NUP188: variants seen among roughly 807,000 people sequenced by gnomAD.
NUP188 encodes the protein nucleoporin NUP188.
A neutral mutation model predicts 223.0 loss-of-function variants in NUP188; 97 were observed. The ratio of observed to expected loss-of-function variants is 0.43; its 90% confidence interval spans 0.37 to 0.51. The LOEUF (loss-of-function observed/expected upper bound fraction) is 0.51, where lower values mean the gene tolerates loss of function less well. NUP188 is among the 20% of genes least tolerant of loss of function. The pLI, the probability that NUP188 is intolerant of heterozygous loss-of-function variation, is 0.00. For missense variants in NUP188, 1,947 were observed against 2,175.6 expected (o/e 0.89, Z 2.09); for synonymous variants, 869 against 828.0 (o/e 1.05, Z -0.85).
At chr9:128,952,398 CAAAAA>C (rs939252129) in intron 2 of NUP188, among the ~76,000 whole-genome samples, 3 of 60,648 alleles carry the variant, frequency 4.9e-5, no homozygotes, top group Admixed American at 3.9e-4. Context: ...GACTCCGTCT[CAAAAA>C]AAAAAAAAAA....
rs770875407 is a variant in NUP188, at chr9:128,993,686, C to T, written c.3009C>T (p.Leu1003=). The T allele has an allele frequency of 6.2e-7, 1 of 1,614,094 alleles. No homozygotes were observed. Among genetic ancestry groups the T allele is most frequent in the South Asian group, 1.1e-5 (1 of 91,078 alleles). ...QDRRDSAMLV[L]RTKPKFWENL... is the part of the protein sequence containing the mutation. ...GGAGGGACAGTGCCATGCTGGTCCT[C>T]CGAACCAAGTAAGTCTGCCTCTGGG... is the stretch of plus-strand genomic sequence containing the variant. Residue 1003 remains leucine, a synonymous_variant, in exon 27 of 44, where the codon CTC becomes CTT. Coordinates refer to ENST00000372577, the MANE Select transcript of NUP188 (RefSeq NM_015354.3).
At chr9:128,962,690 C>T (rs1841972758) in intron 8 of NUP188, among the ~76,000 whole-genome samples, 1 of 152,014 alleles carries the variant, frequency 6.6e-6, no homozygotes, top group South Asian at 2.1e-4. Flanking sequence ...ATAAGAATAG[C>T]CGGCTGGGCT....
rs544194639 is a variant in NUP188 at position 128,964,828 on chromosome 9, T to C, written c.586-3678T>C. Among the ~76,000 whole-genome samples the C allele has an allele frequency of 1.4e-4, 21 of 151,388 alleles. No homozygotes were observed. In the East Asian group the frequency reaches 1.8e-3, roughly 13 times the overall value. Reference sequence around the variant, plus strand: ...TCAAGGGATTCTGCTGCCTCCAGCCTCCCGAGTAGCTGGGATTACAGGCAT... The same window carrying C: ...TCAAGGGATTCTGCTGCCTCCAGCCCCCCGAGTAGCTGGGATTACAGGCAT... On this transcript the variant is annotated intron_variant, in intron 8 of 43. Coordinates refer to ENST00000372577, the MANE Select transcript of NUP188 (RefSeq NM_015354.3).
chr9:128,951,443 C>A (rs535504552), intron 2 of NUP188, among the ~76,000 whole-genome samples: 4 of 151,666 alleles, frequency 2.6e-5, no homozygotes, highest in African/African-American at 9.7e-5. Context: ...TGCATCACTG[C>A]ACTCCAGCCT....
chr9:128,979,927 C>T (rs997462906), intron 13 of NUP188, among the ~76,000 whole-genome samples: 5 of 152,250 alleles, frequency 3.3e-5, no homozygotes, highest in African/African-American at 7.2e-5. Context: ...CCACTGAGCC[C>T]GGCCTTCCAA....
chr9:128,979,189 A>G, intron 12 of NUP188, 73 bp from the exon 13 acceptor site: 1 of 1,141,734 alleles, frequency 8.8e-7, no homozygotes, highest in Non-Finnish European at 1.3e-6. Context: ...TTTTATTTCA[A>G]CAGAATACAA....
In NUP188 at chr9:128,993,566, G is replaced by A; in HGVS notation, c.2889G>A (p.Leu963=). ...LGMWSCLHAV[L]ELIDSQQQDR... is the part of the protein sequence containing the mutation. ...TGTGGAGCTGTCTCCATGCAGTGCT[G>A]GAGCTGATTGATTCCCAACAGCAAG... Residue 963 remains leucine, a synonymous_variant, in exon 27 of 44, where the codon CTG becomes CTA. Transcript: ENST00000372577. 2 of 1,614,188 alleles carry A rather than the reference G, an allele frequency of 1.2e-6. No homozygotes were observed. The highest frequency in any genetic ancestry group is 1.7e-5 in the Admixed American group (1 of 60,018).
Position 129,000,532 on chromosome 9 carries a change from A to G in NUP188, c.3843+727A>G, listed in dbSNP as rs868272971. 7.0e-4 allele frequency among the ~76,000 whole-genome samples: 105 copies of G among 151,034 alleles called. No homozygotes were observed. In the Middle Eastern group the frequency reaches 0.017, roughly 25 times the overall value. The stretch of plus-strand genomic sequence containing the variant: ...ACGGGGTTTCACTGTGTTAGCCAGG[A>G]TGGCCTCGATCTCCTGACCTCGTAA... On this transcript the variant is annotated intron_variant, in intron 34 of 43. Coordinates refer to ENST00000372577, the MANE Select transcript of NUP188 (RefSeq NM_015354.3).
chr9:128,979,196 A>T (rs1049592701), intron 12 of NUP188, 66 bp from the exon 13 acceptor site: 8 of 1,186,502 alleles, frequency 6.7e-6, no homozygotes, highest in Non-Finnish European at 9.9e-6. Context: ...TCAACAGAAT[A>T]CAATAATAAA....
chr9:128,953,638 T>C (rs986229846), intron 3 of NUP188, among the ~76,000 whole-genome samples: 1 of 152,194 alleles, frequency 6.6e-6, no homozygotes, highest in African/African-American at 2.4e-5. Flanking sequence ...TGCAAATACT[T>C]GACTATGTAT....
In NUP188 at chr9:129,003,377, G is replaced by T; in HGVS notation, c.4357G>T (p.Val1453Leu). Residue 1453 changes from valine (V) to leucine (L), a missense_variant, in exon 38 of 44, where the codon GTG becomes TTG. By Grantham distance (32) the Val-to-Leu change is conservative. This residue lies in a region of NUP188 where 905 missense variants were observed against 990.6 expected (regional missense o/e 0.91). Coordinates refer to ENST00000372577, the MANE Select transcript of NUP188 (RefSeq NM_015354.3). ...CTGCCTGGAGGAGGCGGACCACACCGTGGGTTTTATTCTGCAGCTCTCTAA... is the reference window on the plus strand; with the variant it reads ...CTGCCTGGAGGAGGCGGACCACACCTTGGGTTTTATTCTGCAGCTCTCTAA... ...LACLEEADHT[V>L]GFILQLSNFM... The T allele has an allele frequency of 6.2e-7, 1 of 1,613,470 alleles. No homozygotes were observed. Among genetic ancestry groups the T allele is most frequent in the Non-Finnish European group, 8.5e-7 (1 of 1,179,970 alleles).
intron 22 of NUP188, 110 bp from the exon 23 acceptor site, chr9:128,987,479 T>A: frequency 1.0e-6 from 1 of 1,002,898 alleles, no homozygotes; most frequent in Non-Finnish European, 1.4e-6. Flanking sequence ...AGAGCTGGTC[T>A]CCAGTGTCCA....
chr9:128,964,269 T>C, intron 8 of NUP188: 1 of 390,098 alleles, frequency 2.6e-6, no homozygotes. Context: ...GTCAGAGTTC[T>C]TTATATACAG....
At chr9:128,950,424 T>A (rs539939848) in intron 2 of NUP188, among the ~76,000 whole-genome samples, 9 of 152,324 alleles carry the variant, frequency 5.9e-5, no homozygotes, top group African/African-American at 2.2e-4. Context: ...TTTCACCATG[T>A]TGGCCAGGCT....
chr9:128,959,937 A>G (rs1426306585), intron 8 of NUP188, among the ~76,000 whole-genome samples: 4 of 152,038 alleles, frequency 2.6e-5, no homozygotes, highest in Non-Finnish European at 4.4e-5. Context: ...CTTTTTTTCA[A>G]TCCCATTAGT....
intron 3 of NUP188, among the ~76,000 whole-genome samples, chr9:128,955,613 C>T (rs1326837043): frequency 1.3e-5 from 2 of 152,036 alleles, no homozygotes; most frequent in Admixed American, 6.6e-5. Context: ...GTCCTTTGGG[C>T]GTGTCCTTCC....
chr9:128,992,614 T>G (rs1842452125), intron 25 of NUP188, among the ~76,000 whole-genome samples: 1 of 152,218 alleles, frequency 6.6e-6, no homozygotes, highest in Non-Finnish European at 1.5e-5. Context: ...TTTTTCCTTT[T>G]TTTAATTTGG....
chr9:128,970,864 G>A lies in NUP188; in HGVS notation c.1019G>A (p.Ser340Asn), dbSNP rs376452007. ...RHTLNPEETS[S>N]VVRKIGGTAI... The stretch of plus-strand genomic sequence containing the variant: ...ACTCTGAACCCAGAAGAGACAAGCA[G>A]TGTGGTCCGGAAGATAGGTGGCACA... The change falls in exon 11 of 44, where the codon AGT (serine) becomes AAT (asparagine). Residue 340 changes from serine to asparagine, a missense_variant. By Grantham distance (46) the Ser-to-Asn change is conservative. This residue lies in a region of NUP188 where 817 missense variants were observed against 865.8 expected (regional missense o/e 0.94). Coordinates refer to ENST00000372577, the MANE Select transcript of NUP188 (RefSeq NM_015354.3). 9.9e-6 allele frequency: 16 copies of A among 1,614,154 alleles called. No homozygotes were observed. In the African/African-American group the frequency reaches 1.5e-4, roughly 15 times the overall value.
chr9:129,003,669 T>C (rs779946486), intron 38 of NUP188: 8 of 659,756 alleles, frequency 1.2e-5, no homozygotes, highest in Admixed American at 1.2e-4. Context: ...TTTGGACTTT[T>C]ATCAGTTAGA....
Sources: allele counts gnomAD v4.1 joint callset (sites outside exome capture counted in the v4.1 genomes callset), GRCh38; gene constraint gnomAD v4.1.1; regional missense constraint gnomAD v4.1.1; transcripts MANE v1.5; gene names NCBI Gene and HGNC (gene_info 2026-07-23, HGNC 2026-07-21).